The following WAC variants were observed in gnomAD, a reference collection of about 807,000 sequenced individuals.
The protein encoded by WAC is WW domain-containing adapter protein with coiled-coil.
A neutral mutation model predicts 79.6 loss-of-function variants in WAC; 11 were observed. The ratio of observed to expected loss-of-function variants is 0.14; its 90% CI spans 0.09 to 0.23. The LOEUF (loss-of-function observed/expected upper bound fraction) is 0.23. Ranked by LOEUF, WAC falls within the 10% of genes least tolerant of loss-of-function variation. WAC has a pLI of 1.00. For missense variants in WAC, 728 were observed against 773.5 expected (o/e 0.94, Z 0.70); for synonymous variants, 304 against 276.9 (o/e 1.10, Z -0.97).
At chr10:28,551,813 TGTGTGTTTC>T (rs1837688592) in intron 3 of WAC, among the ~76,000 whole-genome samples, 1 of 148,544 alleles carries the variant, frequency 6.7e-6, no homozygotes, top group Non-Finnish European at 1.5e-5. Context: ...TGTGTGTGTG[TGTGTGTTTC>T]TTTTTTTTTT....
intron 8 of WAC, among the ~76,000 whole-genome samples, chr10:28,609,926 CTT>C (rs35905966): frequency 2.6e-4 from 30 of 115,668 alleles, no homozygotes; most frequent in African/African-American, 4.3e-4. Context: ...TTCCTAAATA[CTT>C]TTTTTTTTTT....
chr10:28,579,681 G>T (rs747746204), intron 3 of WAC, among the ~76,000 whole-genome samples: 5 of 152,058 alleles, frequency 3.3e-5, no homozygotes, highest in Non-Finnish European at 7.4e-5. Context: ...TGGGAAGGAT[G>T]TGCACAATCA....
At chr10:28,560,721 T>C (rs1320990273) in intron 3 of WAC, among the ~76,000 whole-genome samples, 1 of 152,224 alleles carries the variant, frequency 6.6e-6, no homozygotes, top group Non-Finnish European at 1.5e-5. Context: ...TTTTTGGCTT[T>C]GCTGCTATAG....
chr10:28,581,391 G>A (rs1839529647), intron 3 of WAC, among the ~76,000 whole-genome samples: 1 of 151,208 alleles, frequency 6.6e-6, no homozygotes. Context: ...GCCTCAGTGA[G>A]CACCTCTTTC....
intron 4 of WAC, among the ~76,000 whole-genome samples, chr10:28,587,826 A>G (rs1460117271): frequency 2.0e-5 from 3 of 152,178 alleles, no homozygotes; most frequent in Non-Finnish European, 2.9e-5. Flanking sequence ...GGCAAAATCA[A>G]TGTAGTGTGG....
intron 3 of WAC, among the ~76,000 whole-genome samples, chr10:28,540,587 A>C (rs1836955487): frequency 1.3e-5 from 2 of 152,222 alleles, no homozygotes; most frequent in African/African-American, 4.8e-5. Context: ...TTTTCTCTTA[A>C]TCCCTCATAT....
At chr10:28,543,128 A>G (rs1837153825) in intron 3 of WAC, among the ~76,000 whole-genome samples, 1 of 152,236 alleles carries the variant, frequency 6.6e-6, no homozygotes, top group African/African-American at 2.4e-5. Context: ...TGGAGATACT[A>G]TAGTCAGTAA....
chr10:28,572,337 CA>C (rs535940157), intron 3 of WAC, among the ~76,000 whole-genome samples: 6,661 of 86,776 alleles, frequency 0.077, 148 homozygotes, highest in African/African-American at 0.14. Context: ...ACTCTGTCTC[CA>C]AAAAAAAAAA....
rs1287131297 is a variant in WAC at position 28,610,092 on chromosome 10, C to T, written c.1166-607C>T. On this transcript the variant is annotated intron_variant, in intron 8 of 13. Transcript: ENST00000354911. ...GATTACAGGCACCTGCCACTATGCC[C>T]AGCTAATTTTTTGTATTTTTAGTAG... is the stretch of plus-strand genomic sequence containing the variant. 2.6e-5 allele frequency among the ~76,000 whole-genome samples: 4 copies of T among 151,786 alleles called. No individual in the cohort carries two copies. The East Asian group carries it at 7.8e-4, about 29-fold the overall frequency.
At chr10:28,560,037 T>G (rs1042446399) in intron 3 of WAC, among the ~76,000 whole-genome samples, 4 of 152,108 alleles carry the variant, frequency 2.6e-5, no homozygotes, top group Non-Finnish European at 4.4e-5. Flanking sequence ...ACTGATGAAC[T>G]GGAAGTTAAG....
chr10:28,535,456 G>C (rs1322312808), intron 2 of WAC, 106 bp from the exon 3 acceptor site: 5 of 1,304,802 alleles, frequency 3.8e-6, no homozygotes, highest in African/African-American at 3.0e-5. Context: ...TTTTAATTTT[G>C]TAAGTTCATA....
intron 6 of WAC, among the ~76,000 whole-genome samples, chr10:28,595,229 GGCAACTAATT>G (rs1840297499): frequency 6.6e-6 from 1 of 152,088 alleles, no homozygotes; most frequent in South Asian, 2.1e-4. Flanking sequence ...CTGCTTTAGA[GGCAACTAATT>G]GTAGCTTAGT....
chr10:28,568,847 C>G (rs1415171566), intron 3 of WAC, among the ~76,000 whole-genome samples: 1 of 152,186 alleles, frequency 6.6e-6, no homozygotes, highest in African/African-American at 2.4e-5. Flanking sequence ...GCTGGGATTA[C>G]AGGCATGAGC....
In WAC at chr10:28,621,322, C is replaced by A. The variant is rs761619409; in HGVS notation, c.*1716C>A. On this transcript the variant is annotated 3_prime_UTR_variant, in exon 14 of 14. Coordinates refer to ENST00000354911, the MANE Select transcript of WAC (RefSeq NM_016628.5). ...ACATCAATGTCAATGTTACTACATT[C>A]TCGGATGCTAACATAAATTTTGAAA... 6.8e-6 allele frequency: 1 copy of A among 148,110 alleles called. No individual in the cohort carries two copies. Among genetic ancestry groups the A allele is most frequent in the African/African-American group, 2.5e-5 (1 of 40,274 alleles). 9.2% of individuals were successfully genotyped at this position (148,110 alleles called of 1,614,324 possible).
At chr10:28,568,352 T>C (rs1207655110) in intron 3 of WAC, among the ~76,000 whole-genome samples, 4 of 152,194 alleles carry the variant, frequency 2.6e-5, no homozygotes, top group African/African-American at 9.6e-5. Context: ...TTTCATATGA[T>C]TATTTCAATA....
intron 11 of WAC, 22 bp from the exon 12 acceptor site, chr10:28,616,151 C>T: frequency 1.9e-6 from 3 of 1,556,170 alleles, no homozygotes; most frequent in Non-Finnish European, 2.6e-6. Flanking sequence ...AAACATACTA[C>T]ACATTCAATT....
intron 3 of WAC, among the ~76,000 whole-genome samples, chr10:28,574,507 A>G (rs914247971): frequency 1.4e-4 from 21 of 151,876 alleles, no homozygotes; most frequent in Non-Finnish European, 5.9e-5. Context: ...CAGTGGTGCA[A>G]TCTCAGCTCA....
chr10:28,553,379 A>G (rs538289285), intron 3 of WAC, among the ~76,000 whole-genome samples: 6 of 152,308 alleles, frequency 3.9e-5, no homozygotes, highest in Admixed American at 2.0e-4. Context: ...GTCAGGAAAT[A>G]CTCATTTTGA....
At chr10:28,608,455 A>G in intron 8 of WAC, 24 bp downstream of exon 8, 1 of 1,547,396 alleles carries the variant, frequency 6.5e-7, no homozygotes, top group Non-Finnish European at 8.7e-7. Flanking sequence ...ACAGTTTTTT[A>G]AAAATTTATT....
Sources: gnomAD v4.1 joint callset for allele counts (sites outside exome capture counted in the v4.1 genomes callset) on GRCh38, gnomAD v4.1.1 for gene constraint, MANE v1.5 for transcripts, NCBI Gene and HGNC (gene_info 2026-07-23, HGNC 2026-07-21) for gene names.